The following MTCL3 variants were observed in gnomAD, a reference collection of about 807,000 sequenced individuals.
The protein encoded by MTCL3 is microtubule cross-linking factor 3.
chr6:127,488,244 G>A, the MTCL3 span, among the ~76,000 whole-genome samples: 2 of 152,120 alleles, frequency 1.3e-5, no homozygotes, highest in Non-Finnish European at 2.9e-5. Context: ...TTCCTAATAA[G>A]AGAGACCTTC....
the MTCL3 span, among the ~76,000 whole-genome samples, chr6:127,500,724 C>A: frequency 1.3e-5 from 2 of 152,120 alleles, no homozygotes; most frequent in Non-Finnish European, 2.9e-5. Context: ...TATACTATAA[C>A]AATGAAACAT....
chr6:127,481,765 T>G, the MTCL3 span, among the ~76,000 whole-genome samples: 1 of 152,086 alleles, frequency 6.6e-6, no homozygotes, highest in African/African-American at 2.4e-5. Context: ...CAACTACATC[T>G]TGAATAGGAG....
chr6:127,515,172 G>C, the MTCL3 span: 1 of 882,488 alleles, frequency 1.1e-6, no homozygotes, highest in South Asian at 1.5e-5. The surrounding 1 kb of genome is among the most constrained non-coding windows in gnomAD (Gnocchi z 4.3). Flanking sequence ...CACGAGACAG[G>C]AGTGACAAGG....
At chr6:127,482,717 A>G in the MTCL3 span, among the ~76,000 whole-genome samples, 19 of 152,360 alleles carry the variant, frequency 1.2e-4, no homozygotes, top group African/African-American at 4.1e-4. The surrounding 1 kb of genome is among the most constrained non-coding windows in gnomAD (Gnocchi z 4.1). Flanking sequence ...CAATTATAAT[A>G]GGGATGTTAT....
the MTCL3 span, chr6:127,513,011 T>C: frequency 2.5e-6 from 4 of 1,611,858 alleles, no homozygotes; most frequent in Non-Finnish European, 3.4e-6. Flanking sequence ...CCACATTTTC[T>C]AATTCATGGT....
the MTCL3 span, among the ~76,000 whole-genome samples, chr6:127,497,644 T>G: frequency 1.3e-5 from 2 of 152,162 alleles, no homozygotes; most frequent in Non-Finnish European, 2.9e-5. Context: ...CGTCAAGCTG[T>G]TCTATATCTT....
the MTCL3 span, among the ~76,000 whole-genome samples, chr6:127,499,316 A>G: frequency 2.0e-4 from 31 of 152,312 alleles, no homozygotes; most frequent in Non-Finnish European, 3.8e-4. Context: ...AAAGGTCTTT[A>G]AAATTCAACA....
At chr6:127,498,629 G>C in the MTCL3 span, among the ~76,000 whole-genome samples, 1 of 152,100 alleles carries the variant, frequency 6.6e-6, no homozygotes, top group African/African-American at 2.4e-5. Flanking sequence ...ATTTGCATGT[G>C]TGTGTTTATA....
At chr6:127,502,156 A>G in the MTCL3 span, among the ~76,000 whole-genome samples, 6 of 152,224 alleles carry the variant, frequency 3.9e-5, no homozygotes, top group Admixed American at 6.5e-5. Flanking sequence ...ATAGAAATAT[A>G]ATTCTTAAAT....
chr6:127,516,680 C>G, the MTCL3 span: 1 of 1,521,312 alleles, frequency 6.6e-7, no homozygotes, highest in Non-Finnish European at 8.8e-7. Flanking sequence ...CCCTCTTCAC[C>G]GCCGCCAACC....
At chr6:127,505,793 G>A in the MTCL3 span, among the ~76,000 whole-genome samples, 5 of 152,136 alleles carry the variant, frequency 3.3e-5, no homozygotes, top group African/African-American at 9.7e-5. Context: ...TTAATGCAAC[G>A]CTTTGCCATC....
the MTCL3 span, chr6:127,515,814 C>T: frequency 6.2e-7 from 1 of 1,609,328 alleles, no homozygotes; most frequent in Non-Finnish European, 8.5e-7. The surrounding 1 kb of genome is among the most constrained non-coding windows in gnomAD (Gnocchi z 4.3). Context: ...CTGCCGCCCG[C>T]TCCTTCTTGA....
chr6:127,516,205 C>A, the MTCL3 span: 3 of 1,432,430 alleles, frequency 2.1e-6, no homozygotes, highest in Non-Finnish European at 2.7e-6. Flanking sequence ...GGGCCTCCTG[C>A]CGCCCAAAGC....
the MTCL3 span, chr6:127,481,479 A>G: frequency 1.1e-5 from 11 of 985,314 alleles, no homozygotes; most frequent in Non-Finnish European, 1.3e-5. Context: ...TGCAAGTACC[A>G]GGAGAAAACA....
At chr6:127,516,627 A>T in the MTCL3 span, 1 of 1,593,120 alleles carries the variant, frequency 6.3e-7, no homozygotes, top group South Asian at 1.1e-5. Flanking sequence ...CTATGAACCT[A>T]CCAGATGCGA....
the MTCL3 span, among the ~76,000 whole-genome samples, chr6:127,501,002 C>T: frequency 2.6e-5 from 4 of 152,032 alleles, no homozygotes; most frequent in Non-Finnish European, 5.9e-5. Flanking sequence ...TTAGTAGAGA[C>T]GGGGTTTCAC....
the MTCL3 span, among the ~76,000 whole-genome samples, chr6:127,507,040 A>G: frequency 6.6e-6 from 1 of 152,188 alleles, no homozygotes; most frequent in South Asian, 2.1e-4. Flanking sequence ...CCCTTGGACC[A>G]AGTTAAACTG....
At chr6:127,516,103 C>A in the MTCL3 span, 5 of 1,485,894 alleles carry the variant, frequency 3.4e-6, no homozygotes, top group Non-Finnish European at 3.6e-6. Flanking sequence ...TCCTCCTTCC[C>A]CGCCCCCTCC....
the MTCL3 span, chr6:127,516,774 C>G: frequency 8.7e-6 from 11 of 1,268,948 alleles, no homozygotes; most frequent in Admixed American, 2.9e-5. Context: ...TGATATTGCT[C>G]CATTTGGATG....
Sources: allele counts gnomAD v4.1 joint callset (sites outside exome capture counted in the v4.1 genomes callset), GRCh38; gene constraint gnomAD v4.1.1; non-coding constraint Gnocchi (gnomAD v3.1); transcripts MANE v1.5; gene names NCBI Gene and HGNC (gene_info 2026-07-23, HGNC 2026-07-21).